Variants in PAG1 observed in about 807,000 individuals in gnomAD.
PAG1 encodes phosphoprotein membrane anchor with glycosphingolipid microdomains 1, also known as phosphoprotein associated with glycosphingolipid-enriched microdomains 1.
A neutral mutation model predicts 31.7 loss-of-function variants in PAG1; 23 were observed. The ratio of observed to expected loss-of-function variants is 0.73; its 90% CI spans 0.52 to 1.03. The LOEUF is 1.03. Ranked by LOEUF, PAG1 falls within the 50% of genes least tolerant of loss-of-function variation. PAG1 has a pLI of 0.00. For missense variants in PAG1, 473 were observed against 540.7 expected (o/e 0.87, Z 1.24); for synonymous variants, 214 against 210.3 (o/e 1.02, Z -0.15).
chr8:81,097,908 A>C (rs989952059), intron 1 of PAG1, among the ~76,000 whole-genome samples: 1 of 152,132 alleles, frequency 6.6e-6, no homozygotes, highest in Non-Finnish European at 1.5e-5. Flanking sequence ...ATGTTCCTAT[A>C]AATGTTTTAT....
intron 1 of PAG1, among the ~76,000 whole-genome samples, chr8:81,079,922 C>T (rs1809238484): frequency 6.6e-6 from 1 of 151,944 alleles, no homozygotes; most frequent in African/African-American, 2.4e-5. Context: ...GCACATACCC[C>T]CATGCCCGGA....
At chr8:81,057,410 G>A (rs1808842781) in intron 2 of PAG1, among the ~76,000 whole-genome samples, 1 of 152,122 alleles carries the variant, frequency 6.6e-6, no homozygotes, top group African/African-American at 2.4e-5. Flanking sequence ...ATGAGTTCAT[G>A]TCCTTCATAG....
intron 1 of PAG1, among the ~76,000 whole-genome samples, chr8:81,094,083 G>C (rs557964236): frequency 6.6e-6 from 1 of 152,348 alleles, no homozygotes; most frequent in Admixed American, 6.5e-5. Flanking sequence ...CCCCAGCTGA[G>C]AGCGTGTGGT....
chr8:81,032,107 A>C (rs1808386066), intron 2 of PAG1, among the ~76,000 whole-genome samples: 1 of 152,230 alleles, frequency 6.6e-6, no homozygotes, highest in Non-Finnish European at 1.5e-5. Context: ...CGTAAACTAC[A>C]AAACTATTAG....
chr8:80,976,174 G>A lies in PAG1; in HGVS notation c.*370C>T, dbSNP rs763048837. ...GAAGAAAAACCTGCTTTTCTGAATG[G>A]CAGTACTTTAGGCCGGGGGCATTGT... On this transcript the variant is annotated 3_prime_UTR_variant, in exon 9 of 9. Transcript: ENST00000220597. 3 of 177,842 alleles carry A rather than the reference G, an allele frequency of 1.7e-5. No homozygotes were observed. Among genetic ancestry groups the A allele is most frequent in the Non-Finnish European group, 3.5e-5 (3 of 85,716 alleles). The allele number at this position is 177,842 out of a possible 1,614,324, so 11.0% of individuals were successfully genotyped here. A position where few individuals can be genotyped will look rare whatever the true frequency, so the allele number is the denominator to read the frequency against.
chr8:81,044,461 G>T (rs1483303223), intron 2 of PAG1, among the ~76,000 whole-genome samples: 1 of 152,170 alleles, frequency 6.6e-6, no homozygotes, highest in Non-Finnish European at 1.5e-5. Context: ...AATGCCTGAG[G>T]CTACCAGATG....
chr8:81,070,131 T>A lies in PAG1; in HGVS notation c.-194A>T, dbSNP rs1438679521. ...AATCACCTTTTCCCAGCAATGAAGT[T>A]GTGGCCAACTGCTGAAATAGGAGAA... On this transcript the variant is annotated 5_prime_UTR_variant, in exon 2 of 9. Coordinates refer to ENST00000220597, the MANE Select transcript of PAG1 (RefSeq NM_018440.4). The A allele has an allele frequency of 6.6e-6, 1 of 152,216 alleles. No homozygotes were observed. The highest frequency in any genetic ancestry group is 1.5e-5 in the Non-Finnish European group (1 of 68,042). 9.4% of individuals were successfully genotyped at this position (152,216 alleles called of 1,614,324 possible).
intron 4 of PAG1, 75 bp downstream of exon 4, chr8:80,993,028 G>C: frequency 7.4e-7 from 1 of 1,348,394 alleles, no homozygotes; most frequent in Non-Finnish European, 1.0e-6. Context: ...TTCCTAACAG[G>C]CTTTCCACAG....
chr8:81,097,121 G>A (rs1191817280), intron 1 of PAG1, among the ~76,000 whole-genome samples: 1 of 152,174 alleles, frequency 6.6e-6, no homozygotes, highest in Non-Finnish European at 1.5e-5. Flanking sequence ...CATCCCCAGG[G>A]AAAGCATTTA....
intron 3 of PAG1, among the ~76,000 whole-genome samples, chr8:81,023,399 T>C (rs1808221061): frequency 6.6e-6 from 1 of 152,178 alleles, no homozygotes; most frequent in Admixed American, 6.5e-5. Flanking sequence ...GAGATAAAAG[T>C]TTTCATTCAT....
At chr8:81,077,127 AC>A (rs937199378) in intron 1 of PAG1, among the ~76,000 whole-genome samples, 1 of 152,054 alleles carries the variant, frequency 6.6e-6, no homozygotes, top group South Asian at 2.1e-4. Flanking sequence ...CAGCATTGGC[AC>A]CCCCCAGGAG....
rs78216710 is a variant in PAG1 at position 81,045,399 on chromosome 8, T to C, written c.-174-15310A>G. ...AACTCTAACAGCTCCAACCATTAAA[T>C]AGATGTGTCTGGATAAAGCTGCACT... On this transcript the variant is annotated intron_variant, in intron 2 of 8. Coordinates refer to ENST00000220597, the MANE Select transcript of PAG1 (RefSeq NM_018440.4). Among the ~76,000 whole-genome samples the C allele has an allele frequency of 5.3e-3, 813 of 152,320 alleles. 19 individuals carry two copies. The East Asian group carries it at 0.063, about 12-fold the overall frequency.
chr8:80,996,028 T>C (rs2130539893), intron 3 of PAG1, among the ~76,000 whole-genome samples: 1 of 152,376 alleles, frequency 6.6e-6, no homozygotes, highest in Middle Eastern at 3.4e-3. Flanking sequence ...CCCAAGTTCT[T>C]ACTGTGGACA....
At chr8:81,046,337 G>A (rs1808640739) in intron 2 of PAG1, among the ~76,000 whole-genome samples, 1 of 152,192 alleles carries the variant, frequency 6.6e-6, no homozygotes, top group Admixed American at 6.5e-5. Context: ...GCATCCTGGT[G>A]TTTATCCATA....
rs746787135 is a variant in PAG1 at position 80,969,462 on chromosome 8, C to G, written c.*7082G>C. 5 of 152,118 alleles carry G rather than the reference C, an allele frequency of 3.3e-5. No individual in the cohort carries two copies. Among genetic ancestry groups the G allele is most frequent in the Non-Finnish European group, 5.9e-5 (4 of 68,008 alleles). 9.4% of individuals were successfully genotyped at this position (152,118 alleles called of 1,614,324 possible). ...GGAGCTAAAGATTAAAAAAAAAATT[C>G]TCTTTAAGCTTAAGAAAAGGAAATA... On this transcript the variant is annotated 3_prime_UTR_variant, in exon 9 of 9. Coordinates refer to ENST00000220597, the MANE Select transcript of PAG1 (RefSeq NM_018440.4).
chr8:81,060,720 A>ATATT (rs557120999), intron 2 of PAG1, among the ~76,000 whole-genome samples: 6 of 152,332 alleles, frequency 3.9e-5, no homozygotes, highest in Admixed American at 3.9e-4. Flanking sequence ...TCTCACTAAT[A>ATATT]CTTTGAGGCC....
At chr8:81,066,644 G>C (rs1809013124) in intron 2 of PAG1, among the ~76,000 whole-genome samples, 1 of 152,092 alleles carries the variant, frequency 6.6e-6, no homozygotes. Context: ...AAATTGGCAG[G>C]CAAATACTTG....
At chr8:81,075,440 T>G (rs953161270) in intron 1 of PAG1, among the ~76,000 whole-genome samples, 3 of 152,374 alleles carry the variant, frequency 2.0e-5, no homozygotes, top group Admixed American at 2.0e-4. Flanking sequence ...CTACCTCCTG[T>G]ACAAACACTT....
chr8:81,020,834 C>A (rs1808151991), intron 3 of PAG1, among the ~76,000 whole-genome samples: 1 of 152,162 alleles, frequency 6.6e-6, no homozygotes, highest in Non-Finnish European at 1.5e-5. Context: ...GCCAAAATTT[C>A]ATCCTTAATA....
Sources: allele counts gnomAD v4.1 joint callset (sites outside exome capture counted in the v4.1 genomes callset), GRCh38; gene constraint gnomAD v4.1.1; transcripts MANE v1.5; gene names NCBI Gene and HGNC (gene_info 2026-07-23, HGNC 2026-07-21).